The following SLC4A4 variants were observed in gnomAD, a reference collection of about 807,000 sequenced individuals.
The protein encoded by SLC4A4 is solute carrier family 4 member 4.
In SLC4A4, 27 loss-of-function variants were observed where a neutral mutation model predicts 111.5. The ratio of observed to expected loss-of-function variants is 0.24; its 90% CI spans 0.18 to 0.33. The LOEUF (loss-of-function observed/expected upper bound fraction) is 0.33. Ranked by LOEUF, SLC4A4 falls within the 10% of genes least tolerant of loss-of-function variation. The pLI is 1.00. For synonymous variants in SLC4A4, 443 were observed against 463.4 expected (o/e 0.96, Z 0.57); for missense variants, 909 against 1,315.5 (o/e 0.69, Z 4.78).
chr4:71,255,327 T>G lies in SLC4A4; in HGVS notation c.181T>G (p.Ser61Ala). 1 of 1,613,516 alleles carries G rather than the reference T, an allele frequency of 6.2e-7. No homozygotes were observed. The highest frequency in any genetic ancestry group is 8.5e-7 in the Non-Finnish European group (1 of 1,179,608). Residue 61 changes from serine (S) to alanine (A), a missense_variant, in exon 3 of 26, where the codon TCT becomes GCT. By Grantham distance (99) the Ser-to-Ala change is moderately conservative (BLOSUM62 1). Transcript: ENST00000264485. ...HKEKKEKERI[S>A]ENYSDKSDIE... ...AGAAAAGAAGGAAAAGGAGAGAATCTCTGAGAACTACTCTGACAAATCAGA... is the reference window on the plus strand; with the variant it reads ...AGAAAAGAAGGAAAAGGAGAGAATCGCTGAGAACTACTCTGACAAATCAGA...
chr4:71,107,925 T>C (rs115000341), intron 2 of SLC4A4, among the ~76,000 whole-genome samples: 1 of 152,208 alleles, frequency 6.6e-6, no homozygotes, highest in African/African-American at 2.4e-5. Context: ...TCCTTCTCAT[T>C]TCCTTTTGCA....
intron 2 of SLC4A4, among the ~76,000 whole-genome samples, chr4:71,122,531 T>A (rs1743460865): frequency 6.6e-6 from 1 of 152,062 alleles, no homozygotes; most frequent in East Asian, 1.9e-4. Flanking sequence ...TATAAAAATT[T>A]GATTTGACCC....
chr4:71,257,999 C>G (rs1721580594), intron 3 of SLC4A4, among the ~76,000 whole-genome samples: 1 of 152,188 alleles, frequency 6.6e-6, no homozygotes, highest in South Asian at 2.1e-4. Context: ...GCAGCAGTCT[C>G]TGCTTTTTAA....
chr4:71,516,245 G>A (rs13139020), intron 16 of SLC4A4, among the ~76,000 whole-genome samples: 15,401 of 151,010 alleles, frequency 0.1, 1,409 homozygotes, highest in East Asian at 0.43. Context: ...ATAGGCACCC[G>A]CCACCACGCC....
chr4:71,095,525 G>A (rs1219084516), intron 2 of SLC4A4, among the ~76,000 whole-genome samples: 2 of 152,226 alleles, frequency 1.3e-5, no homozygotes, highest in Non-Finnish European at 2.9e-5. Context: ...TGCATCTGCT[G>A]CGTTTTGCTC....
intron 2 of SLC4A4, among the ~76,000 whole-genome samples, chr4:71,095,928 T>C (rs1742532914): frequency 1.3e-5 from 2 of 152,118 alleles, no homozygotes; most frequent in African/African-American, 4.8e-5. Context: ...AGATTCCAGA[T>C]AGAGAAGACA....
At chr4:71,553,702 T>C (rs1355394732) in intron 20 of SLC4A4, among the ~76,000 whole-genome samples, 1 of 151,708 alleles carries the variant, frequency 6.6e-6, no homozygotes. Flanking sequence ...TACTTTATGG[T>C]ACATTTATAC....
chr4:71,410,174 C>G (rs904270061), intron 7 of SLC4A4, among the ~76,000 whole-genome samples: 1 of 152,186 alleles, frequency 6.6e-6, no homozygotes, highest in Non-Finnish European at 1.5e-5. Context: ...TGAGTCCCTA[C>G]TGAAGCACTG....
intron 3 of SLC4A4, among the ~76,000 whole-genome samples, chr4:71,282,114 G>A (rs769036989): frequency 6.6e-5 from 10 of 152,082 alleles, no homozygotes; most frequent in Non-Finnish European, 1.3e-4. Flanking sequence ...TGAGATTTGA[G>A]CAGAAAATAA....
chr4:71,147,741 A>T (rs1744216824), intron 2 of SLC4A4, among the ~76,000 whole-genome samples: 1 of 152,076 alleles, frequency 6.6e-6, no homozygotes, highest in Non-Finnish European at 1.5e-5. Flanking sequence ...CTTTCTGAGG[A>T]GGGGTCCTGA....
chr4:71,563,668 A>C (rs1737190484), intron 23 of SLC4A4, 125 bp from the exon 24 acceptor site: 9 of 718,836 alleles, frequency 1.3e-5, no homozygotes, highest in South Asian at 1.2e-4. Context: ...AACTGGAAGT[A>C]ATTATAAGGC....
intron 2 of SLC4A4, among the ~76,000 whole-genome samples, chr4:71,113,592 T>G (rs776352503): frequency 3.3e-5 from 5 of 152,216 alleles, no homozygotes; most frequent in Non-Finnish European, 7.3e-5. Flanking sequence ...CTCTGTTCCC[T>G]TTCCATCCTT....
intron 11 of SLC4A4, 34 bp from the exon 12 acceptor site, chr4:71,453,461 A>T (rs937674027): frequency 1.9e-6 from 3 of 1,596,634 alleles, no homozygotes; most frequent in Admixed American, 1.7e-5. Context: ...AATTTACTTT[A>T]CATTTAGTGG....
At chr4:71,196,452 C>A (rs1267898386) in intron 1 of SLC4A4, among the ~76,000 whole-genome samples, 1 of 152,098 alleles carries the variant, frequency 6.6e-6, no homozygotes, top group Non-Finnish European at 1.5e-5. Context: ...AAACACCACT[C>A]CAAAAGCATC....
At chr4:71,439,605 A>G (rs1296346691) in intron 7 of SLC4A4, among the ~76,000 whole-genome samples, 3 of 151,862 alleles carry the variant, frequency 2.0e-5, no homozygotes, top group Non-Finnish European at 4.4e-5. Context: ...TCACCTGGCT[A>G]CTGGTGAAGT....
At chr4:71,467,686 G>A (rs898995079) in intron 13 of SLC4A4, among the ~76,000 whole-genome samples, 17 of 152,020 alleles carry the variant, frequency 1.1e-4, no homozygotes, top group African/African-American at 4.1e-4. Flanking sequence ...GAAATTTATG[G>A]ATCATTTTAA....
chr4:71,156,696 AG>A (rs1439885304), intron 2 of SLC4A4, among the ~76,000 whole-genome samples: 1 of 152,108 alleles, frequency 6.6e-6, no homozygotes, highest in Non-Finnish European at 1.5e-5. Context: ...AGAAAAAAAA[AG>A]ATACATAACA....
At chr4:71,156,655 A>C (rs919316879) in intron 2 of SLC4A4, among the ~76,000 whole-genome samples, 3 of 151,908 alleles carry the variant, frequency 2.0e-5, no homozygotes, top group Non-Finnish European at 2.9e-5. Context: ...TAGAAATACC[A>C]TATCAAAAGA....
intron 7 of SLC4A4, among the ~76,000 whole-genome samples, chr4:71,429,681 T>C (rs1577880793): frequency 6.6e-6 from 1 of 152,230 alleles, no homozygotes; most frequent in East Asian, 1.9e-4. Context: ...GAAGCCTAGG[T>C]TGGCTAAAGG....
Sources: gnomAD v4.1 joint callset for allele counts (sites outside exome capture counted in the v4.1 genomes callset) on GRCh38, gnomAD v4.1.1 for gene constraint, MANE v1.5 for transcripts, NCBI Gene and HGNC (gene_info 2026-07-23, HGNC 2026-07-21) for gene names.